CFAP20DC: variants seen among roughly 807,000 people sequenced by gnomAD.
The protein encoded by CFAP20DC is protein CFAP20DC.
A neutral mutation model predicts 101.7 loss-of-function variants in CFAP20DC; 84 were observed. The observed-to-expected ratio is 0.83, with a 90% CI of 0.69 to 0.99. CFAP20DC has a LOEUF of 0.99. CFAP20DC is among the 50% of genes least tolerant of loss of function. CFAP20DC has a pLI of 0.00. For missense variants in CFAP20DC, 1,007 were observed against 970.3 expected, an observed-to-expected ratio of 1.04 and a Z score of -0.50; for synonymous variants, 359 against 351.2, an observed-to-expected ratio of 1.02 and a Z score of -0.25.
At chr3:58,866,084 A>G (rs1418601885) in intron 11 of CFAP20DC, among the ~76,000 whole-genome samples, 1 of 152,240 alleles carries the variant, frequency 6.6e-6, no homozygotes, top group Non-Finnish European at 1.5e-5. Flanking sequence ...TGCACCTAAC[A>G]TTTTAATGAA....
intron 14 of CFAP20DC, among the ~76,000 whole-genome samples, chr3:58,816,341 G>A (rs971958076): frequency 2.6e-5 from 4 of 152,166 alleles, no homozygotes; most frequent in Admixed American, 6.5e-5. Flanking sequence ...AGTGAGCGAC[G>A]CAGAAGACGG....
intron 14 of CFAP20DC, among the ~76,000 whole-genome samples, chr3:58,816,254 G>C (rs933232361): frequency 5.9e-5 from 9 of 152,118 alleles, no homozygotes; most frequent in Non-Finnish European, 1.3e-4. Flanking sequence ...GTAAACTATC[G>C]CAAGAACAAA....
At position 58,807,733 on chromosome 3, in the gene CFAP20DC, C is replaced by A. The variant is rs533633112; in HGVS notation, c.2176-1277G>T. The stretch of plus-strand genomic sequence containing the variant: ...GATGGAGAATGACTTTGACGAGTTG[C>A]GAGAAGAAGGCTTCAGATGATCAAA... On this transcript the variant is annotated intron_variant, in intron 14 of 16. Coordinates refer to ENST00000482387, the MANE Select transcript of CFAP20DC (RefSeq NM_001394063.1). Among the ~76,000 whole-genome samples, 18 of 152,196 alleles carry A rather than the reference C, an allele frequency of 1.2e-4. No homozygotes were observed. The East Asian group carries it at 2.9e-3, about 25-fold the overall frequency.
At chr3:59,018,240 G>C (rs2093729995) in intron 4 of CFAP20DC, 1 of 152,052 alleles carries the variant, frequency 6.6e-6, no homozygotes, top group Non-Finnish European at 1.5e-5. Context: ...TGTGTTACTA[G>C]AAAATAACTT....
intron 4 of CFAP20DC, among the ~76,000 whole-genome samples, chr3:58,991,779 C>G (rs1217329499): frequency 6.6e-6 from 1 of 152,154 alleles, no homozygotes; most frequent in East Asian, 1.9e-4. Context: ...TGGTAATCCT[C>G]TAGCCCCTGT....
At chr3:59,041,664 A>C (rs1474378830) in intron 3 of CFAP20DC, among the ~76,000 whole-genome samples, 1 of 152,136 alleles carries the variant, frequency 6.6e-6, no homozygotes, top group Non-Finnish European at 1.5e-5. Context: ...TGAAATATGC[A>C]GCTTTTTACA....
At chr3:58,958,866 T>C (rs1193477150) in intron 4 of CFAP20DC, among the ~76,000 whole-genome samples, 1 of 152,158 alleles carries the variant, frequency 6.6e-6, no homozygotes, top group Non-Finnish European at 1.5e-5. Context: ...ACAAGAACTT[T>C]ATCATACATA....
chr3:58,817,852 G>T (rs1440702436), intron 14 of CFAP20DC, among the ~76,000 whole-genome samples: 1 of 151,782 alleles, frequency 6.6e-6, no homozygotes, highest in Non-Finnish European at 1.5e-5. Context: ...ATTCACCAAA[G>T]TTGAAATGAA....
chr3:58,946,516 T>C (rs1359323513), intron 4 of CFAP20DC, among the ~76,000 whole-genome samples: 1 of 152,188 alleles, frequency 6.6e-6, no homozygotes, highest in African/African-American at 2.4e-5. Context: ...TTATAGTCTA[T>C]GGAATAAAGT....
Position 58,892,307 on chromosome 3 carries a change from G to A in CFAP20DC, c.551-7598C>T, listed in dbSNP as rs966792093. On this transcript the variant is annotated intron_variant, in intron 6 of 16. Transcript: ENST00000482387. This position sits in a 1 kb window ranked among gnomAD's most constrained non-coding sequence, Gnocchi z 4.0. ...GTTCTTTTTGCTTAAGATTGTCTTGGCTATACAGATTCTTTTTTGGTTCCA... is the reference window on the plus strand; with the variant it reads ...GTTCTTTTTGCTTAAGATTGTCTTGACTATACAGATTCTTTTTTGGTTCCA... 6.6e-6 allele frequency among the ~76,000 whole-genome samples: 1 copy of A among 152,164 alleles called. No homozygotes were observed. The highest frequency in any genetic ancestry group is 1.5e-5 in the Non-Finnish European group (1 of 68,018).
chr3:58,942,773 C>T (rs1446043067), intron 4 of CFAP20DC, among the ~76,000 whole-genome samples: 1 of 152,206 alleles, frequency 6.6e-6, no homozygotes, highest in Non-Finnish European at 1.5e-5. Context: ...ACCAAGTGGT[C>T]TTGCTCAGTG....
intron 7 of CFAP20DC, among the ~76,000 whole-genome samples, chr3:58,870,801 T>C (rs2080116528): frequency 7.4e-6 from 1 of 135,380 alleles, no homozygotes; most frequent in Admixed American, 8.2e-5. Flanking sequence ...GGCAGGAGAA[T>C]GGCGTGAACC....
intron 6 of CFAP20DC, among the ~76,000 whole-genome samples, chr3:58,904,609 T>C (rs1188842429): frequency 6.6e-6 from 1 of 152,210 alleles, no homozygotes; most frequent in African/African-American, 2.4e-5. Flanking sequence ...ATACCAAATA[T>C]TATTACAACT....
intron 15 of CFAP20DC, among the ~76,000 whole-genome samples, chr3:58,763,646 G>GT (rs2069918246): frequency 6.6e-6 from 1 of 152,162 alleles, no homozygotes; most frequent in Non-Finnish European, 1.5e-5. Flanking sequence ...TTTCTGTTCT[G>GT]TTTTTTCCCC....
intron 16 of CFAP20DC, among the ~76,000 whole-genome samples, chr3:58,750,424 C>A (rs2068487718): frequency 6.6e-6 from 1 of 152,154 alleles, no homozygotes; most frequent in African/African-American, 2.4e-5. Context: ...CCACACCTCA[C>A]TAGGCTATTG....
chr3:58,930,109 A>G (rs143658409), intron 5 of CFAP20DC, among the ~76,000 whole-genome samples: 1 of 152,304 alleles, frequency 6.6e-6, no homozygotes, highest in African/African-American at 2.4e-5. Flanking sequence ...TTTACTCTGT[A>G]GTTCATTCTG....
chr3:58,929,860 G>A (rs1186980593), intron 5 of CFAP20DC, among the ~76,000 whole-genome samples: 1 of 151,992 alleles, frequency 6.6e-6, no homozygotes, highest in Non-Finnish European at 1.5e-5. Context: ...ACTTATGATT[G>A]CCACGCTCCC....
chr3:58,881,257 T>TG (rs1171285449), intron 7 of CFAP20DC, among the ~76,000 whole-genome samples: 1 of 152,122 alleles, frequency 6.6e-6, no homozygotes, highest in African/African-American at 2.4e-5. Context: ...GGAGGGCACT[T>TG]GGGAAAACTG....
intron 6 of CFAP20DC, among the ~76,000 whole-genome samples, chr3:58,900,060 A>T (rs1320315098): frequency 6.6e-6 from 1 of 152,222 alleles, no homozygotes; most frequent in Non-Finnish European, 1.5e-5. Context: ...TGATAAAGAG[A>T]CATTTAAGTT....
Sources: gnomAD v4.1 joint callset for allele counts (sites outside exome capture counted in the v4.1 genomes callset) on GRCh38, gnomAD v4.1.1 for gene constraint, Gnocchi (gnomAD v3.1) non-coding constraint, MANE v1.5 for transcripts, NCBI Gene and HGNC (gene_info 2026-07-23, HGNC 2026-07-21) for gene names.